The following CSMD1 variants were observed in gnomAD, a reference collection of about 807,000 sequenced individuals.
CSMD1 encodes CUB and Sushi multiple domains 1, also known as CUB and sushi domain-containing protein 1.
A neutral mutation model predicts 417.5 loss-of-function variants in CSMD1; 213 were observed. The ratio of observed to expected loss-of-function variants is 0.51; its 90% CI spans 0.46 to 0.57. The LOEUF is 0.57. CSMD1 is among the 20% of genes least tolerant of loss of function. The probability of loss-of-function intolerance (pLI) is 0.00; values close to 1 mark genes in which losing one functional copy is unlikely to be tolerated. For missense variants in CSMD1, 6,923 were observed against 4,529.7 expected (o/e 1.53, Z -15.17); for synonymous variants, 2,862 against 1,736.8 (o/e 1.65, Z -16.11).
At chr8:4,201,104 G>C (rs555845187) in intron 3 of CSMD1, among the ~76,000 whole-genome samples, 8 of 152,146 alleles carry the variant, frequency 5.3e-5, no homozygotes, top group African/African-American at 1.9e-4. Context: ...ACCTTTCAGA[G>C]AATCAGTGAC....
At chr8:4,471,721 C>G (rs969287103) in intron 2 of CSMD1, among the ~76,000 whole-genome samples, 1 of 144,698 alleles carries the variant, frequency 6.9e-6, no homozygotes, top group African/African-American at 2.5e-5. Context: ...AAGAAAAATG[C>G]AGCAAACACG....
Position 3,893,014 on chromosome 8 carries a change from A to C in CSMD1, c.818+104889T>G, listed in dbSNP as rs986872417. 3.4e-4 allele frequency among the ~76,000 whole-genome samples: 51 copies of C among 152,126 alleles called. 1 individual carries two copies. Among genetic ancestry groups the C allele is most frequent in the Middle Eastern group, 6.8e-3 (2 of 294 alleles). ...CAATCATGGTTCAGTTTTCACACTG[A>C]AAATAACTTGTCAATAATAGTGATA... On this transcript the variant is annotated intron_variant, in intron 5 of 69. Transcript: ENST00000635120.
At chr8:4,822,563 AAATTTTTACATTTTTATATTTTTAGC>A (rs1403885120) in intron 1 of CSMD1, among the ~76,000 whole-genome samples, 3 of 152,106 alleles carry the variant, frequency 2.0e-5, no homozygotes, top group African/African-American at 7.2e-5. Flanking sequence ...TGTGCAGGAA[AAATTTTTACATTTTTATATTTTTAGC>A]AATTTTTAGC....
At chr8:4,795,026 G>GT (rs922072000) in intron 1 of CSMD1, among the ~76,000 whole-genome samples, 2 of 151,178 alleles carry the variant, frequency 1.3e-5, no homozygotes, top group African/African-American at 4.9e-5. Context: ...AAAGAAAGAT[G>GT]TGGGGGGTGG....
chr8:4,754,737 T>C (rs1563300329), intron 1 of CSMD1, among the ~76,000 whole-genome samples: 1 of 152,018 alleles, frequency 6.6e-6, no homozygotes, highest in Non-Finnish European at 1.5e-5. Flanking sequence ...TAGTCCCAGC[T>C]ACTCAGGAGG....
At chr8:4,555,664 A>G (rs901305540) in intron 2 of CSMD1, among the ~76,000 whole-genome samples, 5 of 152,326 alleles carry the variant, frequency 3.3e-5, no homozygotes, top group African/African-American at 1.2e-4. Context: ...TCAGAATTCA[A>G]TCAGCAATGG....
At chr8:4,763,693 T>C (rs1485253069) in intron 1 of CSMD1, among the ~76,000 whole-genome samples, 2 of 152,304 alleles carry the variant, frequency 1.3e-5, no homozygotes, top group South Asian at 2.1e-4. Context: ...CAAGTTTTGA[T>C]TGAAGTATAT....
intron 3 of CSMD1, among the ~76,000 whole-genome samples, chr8:4,131,335 T>C (rs992821307): frequency 6.6e-6 from 1 of 152,144 alleles, no homozygotes; most frequent in African/African-American, 2.4e-5. Flanking sequence ...TGCTTTCATC[T>C]TCCACTTGGT....
chr8:3,557,453 T>G (rs1191561700), intron 10 of CSMD1, among the ~76,000 whole-genome samples: 1 of 152,206 alleles, frequency 6.6e-6, no homozygotes, highest in East Asian at 1.9e-4. Flanking sequence ...TCAAAGAGGT[T>G]TTAGACATAG....
chr8:4,016,777 G>C (rs1235232712), intron 4 of CSMD1, among the ~76,000 whole-genome samples: 1 of 152,202 alleles, frequency 6.6e-6, no homozygotes, highest in Non-Finnish European at 1.5e-5. Context: ...AAGTTTATGT[G>C]TATAGTTGGG....
chr8:3,896,703 G>T (rs949024655), intron 5 of CSMD1, among the ~76,000 whole-genome samples: 2 of 151,780 alleles, frequency 1.3e-5, no homozygotes, highest in African/African-American at 4.8e-5. Context: ...TTGGAGACGG[G>T]ATTTCACCAC....
At chr8:3,386,943 T>C (rs113974768) in intron 18 of CSMD1, among the ~76,000 whole-genome samples, 3,046 of 152,220 alleles carry the variant, frequency 0.02, 103 homozygotes, top group African/African-American at 0.069. Flanking sequence ...TAATCAGGAA[T>C]GTTATTTGTC....
intron 1 of CSMD1, among the ~76,000 whole-genome samples, chr8:4,701,700 G>C (rs533170898): frequency 6.6e-6 from 1 of 152,156 alleles, no homozygotes; most frequent in South Asian, 2.1e-4. Flanking sequence ...AAAAAAAGTA[G>C]AGTGGTGACA....
Position 4,180,198 on chromosome 8 carries a change from C to G in CSMD1, c.416-148099G>C, listed in dbSNP as rs535806600. The stretch of plus-strand genomic sequence containing the variant: ...AACCCAAATGTCCAACAATGATAGA[C>G]TGGATTAAGAAAATGTGGCACATAT... On this transcript the variant is annotated intron_variant, in intron 3 of 69. Transcript: ENST00000635120. 3.1e-3 allele frequency among the ~76,000 whole-genome samples: 473 copies of G among 152,078 alleles called. 4 individuals are homozygous for G. Among genetic ancestry groups the G allele is most frequent in the African/African-American group, 0.011 (457 of 41,476 alleles).
chr8:4,580,861 C>A (rs924878883), intron 2 of CSMD1, among the ~76,000 whole-genome samples: 17 of 152,168 alleles, frequency 1.1e-4, no homozygotes, highest in Non-Finnish European at 2.1e-4. Flanking sequence ...TGTAAATTCA[C>A]GGAATGCAAA....
At chr8:3,733,381 T>C (rs1049392773) in intron 6 of CSMD1, among the ~76,000 whole-genome samples, 4 of 148,212 alleles carry the variant, frequency 2.7e-5, no homozygotes, top group African/African-American at 7.4e-5. Flanking sequence ...AAATATAATA[T>C]ATATTATCTG....
At chr8:3,502,108 A>T (rs1796625953) in intron 10 of CSMD1, among the ~76,000 whole-genome samples, 2 of 152,108 alleles carry the variant, frequency 1.3e-5, no homozygotes, top group Non-Finnish European at 2.9e-5. Flanking sequence ...ATGTCCACAC[A>T]AATCCCAGCA....
chr8:3,442,358 A>T (rs142386724), intron 12 of CSMD1, among the ~76,000 whole-genome samples: 1 of 152,090 alleles, frequency 6.6e-6, no homozygotes, highest in Admixed American at 6.6e-5. Context: ...TTCAGCCATC[A>T]CTCACTCACT....
At chr8:4,322,533 A>G (rs866995175) in intron 3 of CSMD1, among the ~76,000 whole-genome samples, 7 of 152,200 alleles carry the variant, frequency 4.6e-5, no homozygotes, top group African/African-American at 1.7e-4. Flanking sequence ...AAAACATAAC[A>G]TTTGAGGTAG....
Sources: gnomAD v4.1 joint callset for allele counts (sites outside exome capture counted in the v4.1 genomes callset) on GRCh38, gnomAD v4.1.1 for gene constraint, MANE v1.5 for transcripts, NCBI Gene and HGNC (gene_info 2026-07-23, HGNC 2026-07-21) for gene names.